The following SPICE1 variants were observed in gnomAD, a reference collection of about 807,000 sequenced individuals.
The protein encoded by SPICE1 is spindle and centriole-associated protein 1.
Under a neutral mutation model 102.7 loss-of-function variants are expected in SPICE1, and 75 were observed. That is an observed-to-expected ratio of 0.73 (90% CI 0.61 to 0.88). The LOEUF is 0.88. Ranked by LOEUF, SPICE1 falls within the 40% of genes least tolerant of loss-of-function variation. The probability of loss-of-function intolerance (pLI) is 0.00; values close to 1 mark genes in which losing one functional copy is unlikely to be tolerated. For synonymous variants in SPICE1, 308 were observed against 350.3 expected (o/e 0.88, Z 1.35); for missense variants, 979 against 1,020.1 (o/e 0.96, Z 0.55).
chr3:113,459,461 A>AAAAC (rs1935874399), intron 12 of SPICE1: 6 of 977,682 alleles, frequency 6.1e-6, no homozygotes, highest in Middle Eastern at 5.2e-4. Flanking sequence ...CAAAACAAAA[A>AAAAC]AAAACAATAA....
At position 113,480,609 on chromosome 3, in the gene SPICE1, T is replaced by A. The variant is rs11924899; in HGVS notation, c.611+8336A>T. On this transcript the variant is annotated intron_variant, in intron 7 of 17. Transcript: ENST00000295872. ...TTAAGAGACATAAGCAGAAAACTCA[T>A]ATGATTATCTCTATAGATATTGAAA... 8.1e-3 allele frequency among the ~76,000 whole-genome samples: 1,232 copies of A among 152,216 alleles called. 14 individuals carry two copies. Among genetic ancestry groups the A allele is most frequent in the African/African-American group, 0.028 (1,154 of 41,538 alleles).
intron 4 of SPICE1, 150 bp from the exon 5 acceptor site, chr3:113,494,292 T>G: frequency 1.8e-6 from 1 of 553,790 alleles, no homozygotes; most frequent in Non-Finnish European, 3.2e-6. Flanking sequence ...TAAGAACCAG[T>G]AGATGGGGCT....
At chr3:113,507,751 T>C (rs1270917537) in intron 1 of SPICE1, among the ~76,000 whole-genome samples, 1 of 152,182 alleles carries the variant, frequency 6.6e-6, no homozygotes, top group Non-Finnish European at 1.5e-5. Flanking sequence ...ACAGATACCG[T>C]GTGCTTACTA....
chr3:113,503,763 T>C (rs980481197), intron 2 of SPICE1, among the ~76,000 whole-genome samples: 2 of 151,908 alleles, frequency 1.3e-5, no homozygotes, highest in African/African-American at 4.8e-5. Context: ...CAAAACTCCA[T>C]CTCTACTAAA....
intron 5 of SPICE1, among the ~76,000 whole-genome samples, 188 bp from the exon 6 acceptor site, chr3:113,493,500 T>C (rs1431121713): frequency 5.3e-5 from 8 of 152,216 alleles, no homozygotes; most frequent in Non-Finnish European, 1.5e-5. Context: ...TTTACTCTCA[T>C]AAAACCCTAT....
Position 113,462,432 on chromosome 3 carries a change from T to G in SPICE1, c.1288-1668A>C, listed in dbSNP as rs181648567. On this transcript the variant is annotated intron_variant, in intron 11 of 17. Transcript: ENST00000295872. ...TCACAATTTCAATGTCAGATTCCATTACATTCCTTTTGAGGATGTCAAATC... is the reference window on the plus strand; with the variant it reads ...TCACAATTTCAATGTCAGATTCCATGACATTCCTTTTGAGGATGTCAAATC... Among the ~76,000 whole-genome samples the G allele has an allele frequency of 6.6e-5, 10 of 152,328 alleles. No individual in the cohort carries two copies. The East Asian group carries it at 1.9e-3, about 29-fold the overall frequency.
rs759383018 is a variant in SPICE1, at chr3:113,465,638, A to G, written c.1287+15T>C. Reference sequence around the variant, plus strand: ...TACCACTGAACACATAAAAATTGGGATCTCATCTGAGTACCTGTGTAGCAG... The same window carrying G: ...TACCACTGAACACATAAAAATTGGGGTCTCATCTGAGTACCTGTGTAGCAG... On this transcript the variant is annotated intron_variant, in intron 11 of 17. Transcript: ENST00000295872. 6.2e-7 allele frequency: 1 copy of G among 1,605,910 alleles called. No homozygotes were observed. Among genetic ancestry groups the G allele is most frequent in the South Asian group, 1.1e-5 (1 of 88,894 alleles).
chr3:113,514,557 TCA>T, intron 1 of SPICE1: 1 of 431,228 alleles, frequency 2.3e-6, no homozygotes, highest in Non-Finnish European at 4.6e-6. Flanking sequence ...AGCTCTCGCC[TCA>T]CACACAGTTG....
Position 113,514,966 on chromosome 3 carries a change from TC to T in SPICE1, c.-71del. The T allele has an allele frequency of 5.3e-6, 4 of 760,980 alleles. No individual in the cohort carries two copies. Among genetic ancestry groups the T allele is most frequent in the Non-Finnish European group, 7.2e-6 (4 of 559,122 alleles). 47.1% of individuals were successfully genotyped at this position (760,980 alleles called of 1,614,324 possible). The stretch of plus-strand genomic sequence containing the variant: ...AGGATTCCCCAACCGGGCGCCTGGA[TC>T]CCAGGCAACAGACAGATGCCACCAC... On this transcript the variant is annotated 5_prime_UTR_variant, in exon 1 of 18. Transcript: ENST00000295872.
chr3:113,506,296 G>A (rs1937111016), intron 2 of SPICE1, among the ~76,000 whole-genome samples: 1 of 152,126 alleles, frequency 6.6e-6, no homozygotes, highest in South Asian at 2.1e-4. Flanking sequence ...GGATATAGAG[G>A]TTACAGCCTG....
intron 15 of SPICE1, 85 bp from the exon 16 acceptor site, chr3:113,448,225 C>T (rs1935563934): frequency 3.3e-6 from 4 of 1,197,566 alleles, no homozygotes; most frequent in Admixed American, 5.1e-5. Flanking sequence ...GCAAACTGCA[C>T]ATTAAAAATT....
chr3:113,474,989 C>T (rs565733836), intron 7 of SPICE1, among the ~76,000 whole-genome samples: 127 of 152,202 alleles, frequency 8.3e-4, no homozygotes, highest in African/African-American at 2.9e-3. Context: ...AGTAATGAAT[C>T]CAGGAGCTGG....
rs1305979533 is a variant in SPICE1 at position 113,446,667 on chromosome 3, C to A, written c.2436G>T (p.Gly812=). ...GTGGAGAACAAGAATTACCAGTAGC[C>A]CCGGAAGATCTATTCATGAAAAATA... ...VSGINTRRSS[G]ATGNSCSPLN... is the part of the protein sequence containing the mutation. Residue 812 remains glycine (G), a synonymous_variant, in exon 17 of 18, where the codon GGG becomes GGT. Coordinates refer to ENST00000295872, the MANE Select transcript of SPICE1 (RefSeq NM_144718.4). 2.5e-6 allele frequency: 4 copies of A among 1,612,252 alleles called. No individual in the cohort carries two copies. The highest frequency in any genetic ancestry group is 3.4e-6 in the Non-Finnish European group (4 of 1,178,864).
At chr3:113,460,252 C>T in intron 12 of SPICE1, 1 of 983,418 alleles carries the variant, frequency 1.0e-6, no homozygotes, top group Non-Finnish European at 1.2e-6. Context: ...ATTAAAAGTG[C>T]TAGCACTCTC....
rs114096283 is a variant in SPICE1 at position 113,447,594 on chromosome 3, A to G, written c.2426+444T>C. 8.3e-3 allele frequency among the ~76,000 whole-genome samples: 1,271 copies of G among 152,334 alleles called. 21 individuals carry two copies. The highest frequency in any genetic ancestry group is 0.029 in the African/African-American group (1,200 of 41,588). On this transcript the variant is annotated intron_variant, in intron 16 of 17. Transcript: ENST00000295872. ...GTAACACGACCTGGAACAGCACAGT[A>G]CAATAGTAAGGATGCAGAGTAGAGA...
At chr3:113,487,500 C>T (rs899297206) in intron 7 of SPICE1, among the ~76,000 whole-genome samples, 2 of 151,678 alleles carry the variant, frequency 1.3e-5, no homozygotes, top group African/African-American at 2.4e-5. Context: ...GTGCAATAAA[C>T]GCATCTAATA....
chr3:113,476,093 G>T (rs1433500395), intron 7 of SPICE1, among the ~76,000 whole-genome samples: 1 of 151,984 alleles, frequency 6.6e-6, no homozygotes, highest in African/African-American at 2.4e-5. Context: ...AAAGTCTCAG[G>T]ATACAAAATC....
At chr3:113,488,919 T>A (rs1289421976) in intron 7 of SPICE1, 26 bp downstream of exon 7, 2 of 1,417,300 alleles carry the variant, frequency 1.4e-6, no homozygotes, top group Non-Finnish European at 2.0e-6. Flanking sequence ...CTGAGAGTTG[T>A]AAATATTTAT....
intron 2 of SPICE1, among the ~76,000 whole-genome samples, chr3:113,505,501 G>C (rs1937091240): frequency 6.6e-6 from 1 of 152,122 alleles, no homozygotes; most frequent in South Asian, 2.1e-4. Context: ...AAGATTCCAA[G>C]TCCAAAAGAA....
Sources: gnomAD v4.1 joint callset for allele counts (sites outside exome capture counted in the v4.1 genomes callset) on GRCh38, gnomAD v4.1.1 for gene constraint, MANE v1.5 for transcripts, NCBI Gene and HGNC (gene_info 2026-07-23, HGNC 2026-07-21) for gene names.